MLLT3: variants seen among roughly 807,000 people sequenced by gnomAD.
MLLT3 encodes protein AF-9.
MLLT3 carries 4 observed loss-of-function variants against 53.2 expected under a neutral mutation model. The observed-to-expected ratio is 0.08, with a 90% CI of 0.04 to 0.17. The LOEUF is 0.17. Ranked by LOEUF, MLLT3 falls within the 10% of genes least tolerant of loss-of-function variation. The pLI is 1.00. For synonymous variants in MLLT3, 283 were observed against 230.6 expected (o/e 1.23, Z -2.06); for missense variants, 569 against 684.0 (o/e 0.83, Z 1.87).
chr9:20,612,764 C>G (rs1563843815), intron 2 of MLLT3, among the ~76,000 whole-genome samples: 1 of 151,994 alleles, frequency 6.6e-6, no homozygotes. Flanking sequence ...CAAATTTCAA[C>G]TCTGAAAAAT....
intron 2 of MLLT3, among the ~76,000 whole-genome samples, chr9:20,480,777 G>A (rs1433781040): frequency 6.6e-6 from 1 of 152,120 alleles, no homozygotes; most frequent in Admixed American, 6.5e-5. Context: ...CAACCACTGG[G>A]AACCCATTTA....
At chr9:20,512,050 C>G (rs534590842) in intron 2 of MLLT3, among the ~76,000 whole-genome samples, 1 of 152,182 alleles carries the variant, frequency 6.6e-6, no homozygotes. Flanking sequence ...CAAGTCTGAG[C>G]TGAAGATGAG....
At chr9:20,466,772 G>C (rs952594177) in intron 2 of MLLT3, among the ~76,000 whole-genome samples, 1 of 152,146 alleles carries the variant, frequency 6.6e-6, no homozygotes, top group Admixed American at 6.5e-5. Flanking sequence ...ATAAATGAAA[G>C]AGAAATCAAA....
chr9:20,481,474 A>C (rs936403873), intron 2 of MLLT3, among the ~76,000 whole-genome samples: 8 of 152,076 alleles, frequency 5.3e-5, no homozygotes, highest in African/African-American at 1.9e-4. Flanking sequence ...ACCCCAACAT[A>C]AGGACGGCCA....
At chr9:20,583,473 C>T (rs905979674) in intron 2 of MLLT3, among the ~76,000 whole-genome samples, 1 of 152,196 alleles carries the variant, frequency 6.6e-6, no homozygotes, top group African/African-American at 2.4e-5. Flanking sequence ...TCCGACCCCA[C>T]ATTTCTCTTC....
intron 6 of MLLT3, among the ~76,000 whole-genome samples, chr9:20,364,986 T>C (rs1400250157): frequency 1.3e-5 from 2 of 152,208 alleles, no homozygotes; most frequent in African/African-American, 4.8e-5. Context: ...ATTTAAAAGA[T>C]AGCCAATTAG....
At chr9:20,564,582 A>G (rs73434534) in intron 2 of MLLT3, among the ~76,000 whole-genome samples, 4,286 of 152,264 alleles carry the variant, frequency 0.028, 219 homozygotes, top group African/African-American at 0.097. Context: ...AGCTAGCTAT[A>G]GTCTCAGGTC....
chr9:20,520,882 C>G (rs192708976), intron 2 of MLLT3, among the ~76,000 whole-genome samples: 1 of 152,276 alleles, frequency 6.6e-6, no homozygotes, highest in East Asian at 1.9e-4. Flanking sequence ...GACGCAGCAA[C>G]TGTCCTAAAG....
chr9:20,616,856 T>A (rs1328722722), intron 2 of MLLT3, among the ~76,000 whole-genome samples: 1 of 152,192 alleles, frequency 6.6e-6, no homozygotes, highest in African/African-American at 2.4e-5. Context: ...TGTGTACTTG[T>A]GAGAACATAT....
At chr9:20,555,933 A>T (rs1819046021) in intron 2 of MLLT3, among the ~76,000 whole-genome samples, 1 of 152,270 alleles carries the variant, frequency 6.6e-6, no homozygotes. Context: ...TGATGAGATT[A>T]CTGTGTGAGT....
intron 2 of MLLT3, among the ~76,000 whole-genome samples, chr9:20,567,284 G>A (rs1383399160): frequency 2.1e-5 from 2 of 94,428 alleles, no homozygotes; most frequent in Non-Finnish European, 4.2e-5. Context: ...AAGAAGAGCT[G>A]AAAGTAGTAC....
intron 2 of MLLT3, among the ~76,000 whole-genome samples, chr9:20,469,273 C>A (rs1412693131): frequency 6.6e-6 from 1 of 152,054 alleles, no homozygotes; most frequent in Non-Finnish European, 1.5e-5. Flanking sequence ...ACATACCTGG[C>A]AGCATTTATG....
rs140224883 is a variant in MLLT3 at position 20,413,861 on chromosome 9, C to T, written c.985G>A (p.Asp329Asn). 3 of 1,613,912 alleles carry T rather than the reference C, an allele frequency of 1.9e-6. No individual in the cohort carries two copies. The highest frequency in any genetic ancestry group is 1.7e-5 in the Admixed American group (1 of 59,926). ...TCSADKKQIK[D>N]KSHVKMGKVK... ...TTTCCCATCTTGACATGAGATTTATCTTTTATCTGTTTTTTGTCAGCAGAA... is the reference window on the plus strand; with the variant it reads ...TTTCCCATCTTGACATGAGATTTATTTTTTATCTGTTTTTTGTCAGCAGAA... Residue 329 changes from aspartate to asparagine, a missense_variant, in exon 5 of 11, where the codon GAT becomes AAT. Transcript: ENST00000380338.
Position 20,622,494 on chromosome 9 carries a change from A to C in MLLT3, c.-238T>G, listed in dbSNP as rs907498673. 2 of 475,264 alleles carry C rather than the reference A, an allele frequency of 4.2e-6. No individual in the cohort carries two copies. Among genetic ancestry groups the C allele is most frequent in the Admixed American group, 7.9e-5 (2 of 25,402 alleles). The allele number at this position is 475,264 out of a possible 1,614,324, so 29.4% of individuals were successfully genotyped here. ...CAGCAGCAGCTCCAGGGTAAAGAAG[A>C]TGATTGCGGAGCATGCGCCGTGGCG... On this transcript the variant is annotated 5_prime_UTR_variant, in exon 1 of 11. Coordinates refer to ENST00000380338, the MANE Select transcript of MLLT3 (RefSeq NM_004529.4).
At chr9:20,604,578 T>C (rs1048110711) in intron 2 of MLLT3, among the ~76,000 whole-genome samples, 4 of 152,092 alleles carry the variant, frequency 2.6e-5, no homozygotes, top group Non-Finnish European at 5.9e-5. Flanking sequence ...CATAGTCATA[T>C]AGATTCATAT....
At chr9:20,491,096 C>T (rs1025583483) in intron 2 of MLLT3, among the ~76,000 whole-genome samples, 19 of 151,916 alleles carry the variant, frequency 1.3e-4, no homozygotes, top group African/African-American at 3.6e-4. Flanking sequence ...CCTTAAGTGA[C>T]GTTAATATAT....
At chr9:20,558,796 T>A (rs1391226989) in intron 2 of MLLT3, among the ~76,000 whole-genome samples, 1 of 152,224 alleles carries the variant, frequency 6.6e-6, no homozygotes, top group Admixed American at 6.5e-5. Flanking sequence ...TTGCCCACTA[T>A]GAGAAACTGT....
chr9:20,468,995 T>C (rs1366261338), intron 2 of MLLT3, among the ~76,000 whole-genome samples: 1 of 152,190 alleles, frequency 6.6e-6, no homozygotes, highest in Non-Finnish European at 1.5e-5. Context: ...AGAGAACAAC[T>C]ATATTTTTTA....
intron 2 of MLLT3, among the ~76,000 whole-genome samples, chr9:20,495,246 C>T (rs575553135): frequency 9.9e-5 from 15 of 152,252 alleles, no homozygotes; most frequent in African/African-American, 3.1e-4. Flanking sequence ...TGCTTCTCAG[C>T]GTGCTCTGCA....
Sources: gnomAD v4.1 joint callset for allele counts (sites outside exome capture counted in the v4.1 genomes callset) on GRCh38, gnomAD v4.1.1 for gene constraint, MANE v1.5 for transcripts, NCBI Gene and HGNC (gene_info 2026-07-23, HGNC 2026-07-21) for gene names.